The following SGCG variants were observed in gnomAD, a reference collection of about 807,000 sequenced individuals.
The protein encoded by SGCG is gamma-sarcoglycan.
In SGCG, 26 loss-of-function variants were observed where a neutral mutation model predicts 29.3. The observed-to-expected ratio is 0.89, with a 90% CI of 0.65 to 1.23. SGCG has a LOEUF of 1.23. Ranked by LOEUF, SGCG falls within the 50% of genes most tolerant of loss-of-function variation. The pLI is 0.00. For synonymous variants in SGCG, 145 were observed against 129.7 expected (o/e 1.12, Z -0.80); for missense variants, 353 against 356.0 (o/e 0.99, Z 0.07).
At chr13:23,239,690 A>T (rs1243001304) in intron 3 of SGCG, among the ~76,000 whole-genome samples, 1 of 152,190 alleles carries the variant, frequency 6.6e-6, no homozygotes, top group African/African-American at 2.4e-5. Context: ...TGAAACAAAG[A>T]CCGTAACAGA....
intron 4 of SGCG, among the ~76,000 whole-genome samples, chr13:23,259,750 T>C (rs140525546): frequency 0.016 from 2,389 of 152,338 alleles, 27 homozygotes; most frequent in Non-Finnish European, 0.023. Flanking sequence ...TGTGTCTTTG[T>C]TCTCATTGGT....
In SGCG at chr13:23,237,150, C is replaced by T. The variant is rs549011907; in HGVS notation, c.297+2438C>T. 3.7e-4 allele frequency among the ~76,000 whole-genome samples: 56 copies of T among 152,298 alleles called. 1 individual carries two copies. Among genetic ancestry groups the T allele is most frequent in the African/African-American group, 1.3e-3 (54 of 41,566 alleles). On this transcript the variant is annotated intron_variant, in intron 3 of 7. Transcript: ENST00000218867. ...TTCAACATGCTACTCTGGCCTCTAACATCTGATCACCCAGTAACCCCTCAA... is the reference window on the plus strand; with the variant it reads ...TTCAACATGCTACTCTGGCCTCTAATATCTGATCACCCAGTAACCCCTCAA...
intron 2 of SGCG, among the ~76,000 whole-genome samples, chr13:23,225,306 C>T (rs1446366064): frequency 6.6e-6 from 1 of 152,168 alleles, no homozygotes; most frequent in Non-Finnish European, 1.5e-5. Context: ...TTATTCATCA[C>T]TTTCACCAGC....
At chr13:23,320,205 T>C (rs1201908565) in intron 6 of SGCG, among the ~76,000 whole-genome samples, 1 of 152,234 alleles carries the variant, frequency 6.6e-6, no homozygotes, top group East Asian at 1.9e-4. Flanking sequence ...GGAGGACCTC[T>C]TGAGCCGGGA....
intron 3 of SGCG, among the ~76,000 whole-genome samples, chr13:23,247,697 G>A (rs1387203872): frequency 6.6e-6 from 1 of 151,774 alleles, no homozygotes; most frequent in Non-Finnish European, 1.5e-5. Context: ...TGTAATTCCA[G>A]CACTTTGGGA....
chr13:23,306,341 G>A (rs982315262), intron 6 of SGCG, among the ~76,000 whole-genome samples: 10 of 152,142 alleles, frequency 6.6e-5, no homozygotes, highest in Non-Finnish European at 1.2e-4. Flanking sequence ...TAAAGACAGT[G>A]TTTTAATATT....
chr13:23,302,716 A>T (rs985188960), intron 6 of SGCG, among the ~76,000 whole-genome samples: 2 of 152,200 alleles, frequency 1.3e-5, no homozygotes, highest in Non-Finnish European at 2.9e-5. Context: ...AAAAAGTAAA[A>T]TTGTATAAAA....
chr13:23,250,617 A>C lies in SGCG; in HGVS notation c.298-13A>C. On this transcript the variant is annotated splice_polypyrimidine_tract_variant and intron_variant, in intron 3 of 7. Coordinates refer to ENST00000218867, the MANE Select transcript of SGCG (RefSeq NM_000231.3). Reference sequence around the variant, plus strand: ...CAGCACCTATTTTGCAAATTTTATAAATCTCTTTCTAGGACTCATCTCTGC... The same window carrying C: ...CAGCACCTATTTTGCAAATTTTATACATCTCTTTCTAGGACTCATCTCTGC... 6.5e-7 allele frequency: 1 copy of C among 1,534,732 alleles called. No individual in the cohort carries two copies. Among genetic ancestry groups the C allele is most frequent in the Non-Finnish European group, 9.0e-7 (1 of 1,109,162 alleles).
chr13:23,173,485 C>G, the SGCG span, among the ~76,000 whole-genome samples: 1 of 152,202 alleles, frequency 6.6e-6, no homozygotes, highest in East Asian at 1.9e-4. Flanking sequence ...CAATGGCCAA[C>G]ATACTTTCAA....
chr13:23,283,228 C>G (rs1881373433), intron 5 of SGCG, among the ~76,000 whole-genome samples: 1 of 152,126 alleles, frequency 6.6e-6, no homozygotes. Flanking sequence ...GTTAAAGTCT[C>G]CTACTATTAT....
chr13:23,200,797 G>T (rs1877715011), intron 1 of SGCG, among the ~76,000 whole-genome samples: 2 of 152,116 alleles, frequency 1.3e-5, no homozygotes, highest in South Asian at 4.2e-4. Context: ...AGCCATGCAG[G>T]CATCGGGAGA....
At chr13:23,219,310 G>A (rs1015442087) in intron 2 of SGCG, among the ~76,000 whole-genome samples, 7 of 152,110 alleles carry the variant, frequency 4.6e-5, no homozygotes, top group Admixed American at 1.3e-4. Context: ...GCCTCCCAAA[G>A]TGCTGGGATT....
At chr13:23,312,598 G>A (rs1032877455) in intron 6 of SGCG, among the ~76,000 whole-genome samples, 2 of 152,172 alleles carry the variant, frequency 1.3e-5, no homozygotes, top group African/African-American at 4.8e-5. Flanking sequence ...GATAGCCGTA[G>A]CAGGTTGGGA....
At chr13:23,163,851 C>T in the SGCG span, among the ~76,000 whole-genome samples, 1 of 152,040 alleles carries the variant, frequency 6.6e-6, no homozygotes, top group Non-Finnish European at 1.5e-5. Context: ...TATAAAAAGG[C>T]TAAAACTAAG....
At chr13:23,162,389 C>CG in the SGCG span, among the ~76,000 whole-genome samples, 24 of 152,088 alleles carry the variant, frequency 1.6e-4, no homozygotes, top group African/African-American at 5.3e-4. Context: ...CCGAGGTGGG[C>CG]GGATCACGAG....
intron 3 of SGCG, chr13:23,246,161 G>A (rs7994603): frequency 0.29 from 44,648 of 152,520 alleles, 6,734 homozygotes; most frequent in African/African-American, 0.37. Flanking sequence ...TATTCCACCA[G>A]TTTTCCAGTG....
intron 1 of SGCG, among the ~76,000 whole-genome samples, chr13:23,183,816 T>C (rs112924166): frequency 5.9e-5 from 9 of 152,132 alleles, no homozygotes; most frequent in African/African-American, 2.2e-4. Context: ...TACAGGCATA[T>C]GCCACCATGC....
At chr13:23,182,198 T>A (rs1876765097) in intron 1 of SGCG, among the ~76,000 whole-genome samples, 1 of 152,218 alleles carries the variant, frequency 6.6e-6, no homozygotes, top group Admixed American at 6.5e-5. Flanking sequence ...AAGTTGTTAT[T>A]AAATTGCATT....
At chr13:23,219,589 T>C (rs898615815) in intron 2 of SGCG, among the ~76,000 whole-genome samples, 1 of 152,094 alleles carries the variant, frequency 6.6e-6, no homozygotes, top group Non-Finnish European at 1.5e-5. Context: ...TAATAACATA[T>C]TGTATATTTT....
Sources: gnomAD v4.1 joint callset for allele counts (sites outside exome capture counted in the v4.1 genomes callset) on GRCh38, gnomAD v4.1.1 for gene constraint, MANE v1.5 for transcripts, NCBI Gene and HGNC (gene_info 2026-07-23, HGNC 2026-07-21) for gene names.